The following TAFA5 variants were observed in gnomAD, a reference collection of about 807,000 sequenced individuals.
The protein encoded by TAFA5 is chemokine-like protein TAFA-5.
Under a neutral mutation model 15.3 loss-of-function variants are expected in TAFA5, and 6 were observed. The ratio of observed to expected loss-of-function variants is 0.39; its 90% CI spans 0.21 to 0.77. TAFA5 has a LOEUF of 0.77. Among genes scored for constraint, TAFA5 ranks in the 30% least tolerant of loss-of-function variants. The pLI is 0.41. For synonymous variants in TAFA5, 103 were observed against 80.7 expected, an observed-to-expected ratio of 1.28 and a Z score of -1.48; for missense variants, 161 against 193.1, an observed-to-expected ratio of 0.83 and a Z score of 0.98.
chr22:48,646,753 A>G lies in TAFA5; in HGVS notation c.262+7A>G, dbSNP rs1483708729. 6.4e-7 allele frequency: 1 copy of G among 1,566,134 alleles called. No individual in the cohort carries two copies. Among genetic ancestry groups the G allele is most frequent in the African/African-American group, 1.3e-5 (1 of 74,202 alleles). On this transcript the variant is annotated splice_region_variant and intron_variant, in intron 2 of 3. Transcript: ENST00000402357. ...CGGCCCGCCTGTGTGGACGGTAAGC[A>G]CCCGTGGCCCCAGGACCCCTCCGGG... is the stretch of plus-strand genomic sequence containing the variant.
intron 1 of TAFA5, among the ~76,000 whole-genome samples, chr22:48,513,705 G>T (rs530366259): frequency 5.5e-4 from 84 of 152,234 alleles, no homozygotes; most frequent in Non-Finnish European, 1.0e-3. Context: ...GTCTGCAGGA[G>T]GAGGAGGTGC....
intron 1 of TAFA5, among the ~76,000 whole-genome samples, chr22:48,526,226 C>T (rs1387940841): frequency 1.3e-5 from 2 of 152,218 alleles, no homozygotes; most frequent in Non-Finnish European, 2.9e-5. Context: ...ACCCTGCTGC[C>T]CTCCTCCGTC....
At chr22:48,520,223 T>C (rs1370560882) in intron 1 of TAFA5, among the ~76,000 whole-genome samples, 2 of 152,248 alleles carry the variant, frequency 1.3e-5, no homozygotes, top group African/African-American at 2.4e-5. Context: ...GGCCCAGAAC[T>C]GTGTGAAGAT....
rs1045155341 is a variant in TAFA5 at position 48,750,461 on chromosome 22, A to C, written c.*614A>C. ...GGAGCGGAGAGGGCGGCCGTGGTGG[A>C]GGCCTCCACCCCAGGAGCACCCCGC... On this transcript the variant is annotated 3_prime_UTR_variant, in exon 4 of 4. Coordinates refer to ENST00000402357, the MANE Select transcript of TAFA5 (RefSeq NM_001082967.3). 3 of 148,422 alleles carry C rather than the reference A, an allele frequency of 2.0e-5. No homozygotes were observed. The highest frequency in any genetic ancestry group is 7.4e-5 in the African/African-American group (3 of 40,524). The allele number at this position is 148,422 out of a possible 1,614,324, so 9.2% of individuals were successfully genotyped here. A position where few individuals can be genotyped will look rare whatever the true frequency, so the allele number is the denominator to read the frequency against.
chr22:48,590,397 G>C (rs1178477462), intron 1 of TAFA5, among the ~76,000 whole-genome samples: 1 of 152,214 alleles, frequency 6.6e-6, no homozygotes, highest in Non-Finnish European at 1.5e-5. Context: ...AGCTTTTATG[G>C]CTACCTTCTA....
chr22:48,621,211 T>C (rs564654751), intron 1 of TAFA5, among the ~76,000 whole-genome samples: 43 of 85,772 alleles, frequency 5.0e-4, no homozygotes, highest in Admixed American at 1.1e-3. Flanking sequence ...CACCCAGCCA[T>C]CCACCCAATC....
intron 1 of TAFA5, among the ~76,000 whole-genome samples, chr22:48,585,325 T>TCA (rs1007072904): frequency 6.7e-5 from 9 of 135,328 alleles, no homozygotes; most frequent in East Asian, 4.5e-4. Flanking sequence ...TACAAAATAT[T>TCA]CACACACACA....
intron 2 of TAFA5, among the ~76,000 whole-genome samples, chr22:48,673,410 C>T (rs186035706): frequency 9.2e-5 from 14 of 152,332 alleles, no homozygotes; most frequent in Non-Finnish European, 1.8e-4. Flanking sequence ...CTGCCTGTCT[C>T]GTCGCTTTCT....
At chr22:48,744,056 G>A (rs571448260) in intron 3 of TAFA5, among the ~76,000 whole-genome samples, 2 of 152,224 alleles carry the variant, frequency 1.3e-5, no homozygotes, top group African/African-American at 2.4e-5. Flanking sequence ...GCCTGCCAAG[G>A]CTGTTCTGTC....
intron 1 of TAFA5, among the ~76,000 whole-genome samples, chr22:48,523,369 A>G (rs1030443765): frequency 6.6e-6 from 1 of 152,220 alleles, no homozygotes; most frequent in Non-Finnish European, 1.5e-5. Flanking sequence ...TGAGTCAGCA[A>G]ACTCCCCTGG....
intron 1 of TAFA5, among the ~76,000 whole-genome samples, chr22:48,495,241 G>A (rs1043161294): frequency 1.3e-5 from 2 of 152,208 alleles, no homozygotes; most frequent in Non-Finnish European, 2.9e-5. Context: ...GGTGAAGCTG[G>A]AGACGTGGCT....
intron 3 of TAFA5, among the ~76,000 whole-genome samples, chr22:48,730,393 AAAG>A (rs1372338157): frequency 6.6e-5 from 10 of 151,996 alleles, no homozygotes; most frequent in Non-Finnish European, 1.2e-4. Context: ...CTCAAAAAAA[AAAG>A]AAAGAAAGAA....
chr22:48,700,952 C>T (rs901877435), intron 2 of TAFA5, among the ~76,000 whole-genome samples: 1 of 152,210 alleles, frequency 6.6e-6, no homozygotes, highest in Admixed American at 6.5e-5. Flanking sequence ...AGGCTGAGAA[C>T]CCCACTCAGC....
chr22:48,499,693 G>C (rs1344661297), intron 1 of TAFA5, among the ~76,000 whole-genome samples: 2 of 152,158 alleles, frequency 1.3e-5, no homozygotes, highest in Admixed American at 1.3e-4. Context: ...TCATCCTGTG[G>C]GCAGCCTCCT....
At chr22:48,696,292 G>T (rs1237029422) in intron 2 of TAFA5, among the ~76,000 whole-genome samples, 1 of 152,182 alleles carries the variant, frequency 6.6e-6, no homozygotes, top group East Asian at 1.9e-4. Context: ...CCGGCCAGAT[G>T]TAGCATAGCA....
At chr22:48,678,612 A>G (rs1397941483) in intron 2 of TAFA5, among the ~76,000 whole-genome samples, 2 of 133,500 alleles carry the variant, frequency 1.5e-5, no homozygotes, top group African/African-American at 5.4e-5. Flanking sequence ...CCAGGGCTGC[A>G]GGTGGTGCGG....
At chr22:48,638,891 ACCCCCCCCCATC>A (rs1466301826) in intron 1 of TAFA5, among the ~76,000 whole-genome samples, 1 of 92,946 alleles carries the variant, frequency 1.1e-5, no homozygotes, top group African/African-American at 5.1e-5. Context: ...CACAGGCGGG[ACCCCCCCCCATC>A]CCCCGACACT....
intron 1 of TAFA5, among the ~76,000 whole-genome samples, chr22:48,577,310 C>T (rs1417356817): frequency 6.6e-6 from 1 of 152,182 alleles, no homozygotes; most frequent in African/African-American, 2.4e-5. Context: ...GGTCGGTCGG[C>T]TCCAGGCACC....
chr22:48,677,288 C>T lies in TAFA5; in HGVS notation c.263-30429C>T, dbSNP rs147720318. Reference sequence around the variant, plus strand: ...TAGGCCTGGGGAGCAGGACCCTGCCCGCCCGCTGTGCTCCCGACACCTTTG... The same window carrying T: ...TAGGCCTGGGGAGCAGGACCCTGCCTGCCCGCTGTGCTCCCGACACCTTTG... On this transcript the variant is annotated intron_variant, in intron 2 of 3. Transcript: ENST00000402357. Among the ~76,000 whole-genome samples the T allele has an allele frequency of 1.7e-3, 260 of 152,354 alleles. 2 individuals are homozygous for T. Among genetic ancestry groups the T allele is most frequent in the African/African-American group, 6.1e-3 (252 of 41,578 alleles).
Sources: allele counts gnomAD v4.1 joint callset (sites outside exome capture counted in the v4.1 genomes callset), GRCh38; gene constraint gnomAD v4.1.1; transcripts MANE v1.5; gene names NCBI Gene and HGNC (gene_info 2026-07-23, HGNC 2026-07-21).